Variants in MTOR observed in about 807,000 individuals in gnomAD.
MTOR encodes the protein mechanistic target of rapamycin kinase.
In MTOR, 70 loss-of-function variants were observed where a neutral mutation model predicts 319.8. That is an observed-to-expected ratio of 0.22 (90% CI 0.18 to 0.27). MTOR has a LOEUF of 0.27. Ranked by LOEUF, MTOR falls within the 10% of genes least tolerant of loss-of-function variation. The pLI is 1.00. For missense variants in MTOR, 1,890 were observed against 3,274.4 expected (o/e 0.58, Z 10.32); for synonymous variants, 1,183 against 1,211.4 (o/e 0.98, Z 0.49).
chr1:11,237,016 G>A (rs948074775), intron 13 of MTOR, among the ~76,000 whole-genome samples: 3 of 152,182 alleles, frequency 2.0e-5, no homozygotes, highest in Non-Finnish European at 4.4e-5. Flanking sequence ...TTTCTCTAGA[G>A]TGAGTTACAT....
intron 26 of MTOR, 99 bp downstream of exon 26, chr1:11,204,462 A>G: frequency 7.1e-7 from 1 of 1,418,140 alleles, no homozygotes; most frequent in South Asian, 1.7e-5. Context: ...TAGAAAAATT[A>G]AAAATACCAG....
intron 49 of MTOR, among the ~76,000 whole-genome samples, chr1:11,118,384 G>A (rs1271622537): frequency 2.0e-5 from 3 of 149,920 alleles, no homozygotes; most frequent in Non-Finnish European, 4.4e-5. Context: ...TAACAGGCAC[G>A]TGCCACCATG....
At chr1:11,185,071 G>C (rs947564775) in intron 28 of MTOR, among the ~76,000 whole-genome samples, 1 of 152,004 alleles carries the variant, frequency 6.6e-6, no homozygotes, top group Admixed American at 6.6e-5. Flanking sequence ...TAAAACCTAG[G>C]TATCACTTCT....
chr1:11,160,075 C>CATGCATTTATTT (rs1644427983), intron 29 of MTOR, among the ~76,000 whole-genome samples: 1 of 143,338 alleles, frequency 7.0e-6, no homozygotes, highest in Non-Finnish European at 1.5e-5. Context: ...TCAATTATAG[C>CATGCATTTATTT]ATTTATTTAT....
At chr1:11,168,688 T>C (rs1212694892) in intron 28 of MTOR, among the ~76,000 whole-genome samples, 1 of 152,218 alleles carries the variant, frequency 6.6e-6, no homozygotes, top group Non-Finnish European at 1.5e-5. Flanking sequence ...ATGCCATCTT[T>C]AGGCTGGAGG....
intron 25 of MTOR, 84 bp downstream of exon 25, chr1:11,209,228 T>C: frequency 4.5e-6 from 7 of 1,539,116 alleles, no homozygotes; most frequent in Non-Finnish European, 6.2e-6. Context: ...GGTTTTCGGT[T>C]GCCCAGTTTA....
At chr1:11,141,106 A>G (rs762929938) in intron 34 of MTOR, among the ~76,000 whole-genome samples, 4 of 151,558 alleles carry the variant, frequency 2.6e-5, no homozygotes, top group Non-Finnish European at 4.4e-5. Flanking sequence ...TCATTTAGTT[A>G]CACTTAGAAA....
Position 11,252,611 on chromosome 1 carries a change from C to T in MTOR, c.840+1228G>A, listed in dbSNP as rs959932684. Among the ~76,000 whole-genome samples, 8 of 152,172 alleles carry T rather than the reference C, an allele frequency of 5.3e-5. No homozygotes were observed. The South Asian group carries it at 8.3e-4, about 16-fold the overall frequency. ...TGCCTGAGTCGCACAGTCATCAGAGCGGTGGGGATCTGAAGCCAGACTCCT... is the reference window on the plus strand; with the variant it reads ...TGCCTGAGTCGCACAGTCATCAGAGTGGTGGGGATCTGAAGCCAGACTCCT... On this transcript the variant is annotated intron_variant, in intron 6 of 57. Coordinates refer to ENST00000361445, the MANE Select transcript of MTOR (RefSeq NM_004958.4).
chr1:11,240,644 C>A, intron 10 of MTOR, 97 bp from the exon 11 acceptor site: 1 of 1,452,120 alleles, frequency 6.9e-7, no homozygotes. Context: ...GGGGATCAGG[C>A]CTCTGTTCTT....
rs375923193 is a variant in MTOR, at chr1:11,241,908, G to A, written c.1413-227C>T. ...GATGGCAGTAAAGTGTCTTAAGGAA[G>A]GGGCCTTTTTTCTGAATTCACACAG... On this transcript the variant is annotated intron_variant, in intron 9 of 57. Transcript: ENST00000361445. 5.4e-4 allele frequency among the ~76,000 whole-genome samples: 82 copies of A among 152,248 alleles called. 1 individual carries two copies. The highest frequency in any genetic ancestry group is 1.9e-3 in the African/African-American group (78 of 41,548).
At chr1:11,126,564 G>C in intron 46 of MTOR, 58 bp downstream of exon 46, 1 of 1,547,296 alleles carries the variant, frequency 6.5e-7, no homozygotes, top group Non-Finnish European at 8.8e-7. Context: ...AAGAGGGAAG[G>C]GGTCTCAGCC....
chr1:11,161,714 G>C (rs1268152667), intron 29 of MTOR, among the ~76,000 whole-genome samples: 4 of 152,222 alleles, frequency 2.6e-5, no homozygotes, highest in Admixed American at 1.3e-4. Flanking sequence ...CAAAACTGCA[G>C]CTGAGGGTCC....
chr1:11,186,996 T>C (rs1645340899), intron 28 of MTOR, among the ~76,000 whole-genome samples: 1 of 152,210 alleles, frequency 6.6e-6, no homozygotes, highest in South Asian at 2.1e-4. Flanking sequence ...GGCTAGATGC[T>C]TCCAATACAA....
chr1:11,248,473 G>A (rs1649141174), intron 6 of MTOR, among the ~76,000 whole-genome samples: 1 of 152,220 alleles, frequency 6.6e-6, no homozygotes, highest in African/African-American at 2.4e-5. Flanking sequence ...CCAGCATCCT[G>A]TTAAGGACTG....
intron 34 of MTOR, among the ~76,000 whole-genome samples, chr1:11,143,526 T>C (rs564751650): frequency 2.0e-5 from 3 of 152,362 alleles, no homozygotes; most frequent in African/African-American, 7.2e-5. Context: ...GGGCATTTCA[T>C]AATTACTAAT....
rs1017694245 is a variant in MTOR at position 11,172,937 on chromosome 1, C to A, written c.4254-5420G>T. Among the ~76,000 whole-genome samples the A allele has an allele frequency of 2.3e-4, 35 of 150,360 alleles. 1 individual carries two copies. Among genetic ancestry groups the A allele is most frequent in the Admixed American group, 1.3e-4 (2 of 15,074 alleles). On this transcript the variant is annotated intron_variant, in intron 28 of 57. Coordinates refer to ENST00000361445, the MANE Select transcript of MTOR (RefSeq NM_004958.4). ...CACTCTCGCTCTGAGAAATTAATTT[C>A]TTTGTCTCTGATTTGAGAACCTGAA...
intron 24 of MTOR, 152 bp from the exon 25 acceptor site, chr1:11,209,610 A>G: frequency 1.2e-6 from 1 of 807,172 alleles, no homozygotes; most frequent in Non-Finnish European, 2.0e-6. Flanking sequence ...TGAACCACAG[A>G]TGGGCTGACT....
At chr1:11,140,395 GC>G (rs1643639254) in intron 34 of MTOR, among the ~76,000 whole-genome samples, 3 of 152,242 alleles carry the variant, frequency 2.0e-5, no homozygotes, top group Admixed American at 2.0e-4. Flanking sequence ...CCTTGCATGC[GC>G]AGTTCATAAT....
intron 45 of MTOR, 26 bp downstream of exon 45, chr1:11,126,984 C>A (rs766902542): frequency 3.7e-6 from 6 of 1,613,296 alleles, no homozygotes; most frequent in African/African-American, 2.7e-5. Context: ...TGACAGTTAA[C>A]CCTGCCAGGA....
Sources: gnomAD v4.1 joint callset for allele counts (sites outside exome capture counted in the v4.1 genomes callset) on GRCh38, gnomAD v4.1.1 for gene constraint, MANE v1.5 for transcripts, NCBI Gene and HGNC (gene_info 2026-07-23, HGNC 2026-07-21) for gene names.